Variants in NEDD9 observed in about 807,000 individuals in gnomAD.
The protein encoded by NEDD9 is neural precursor cell expressed, developmentally down-regulated 9, also known as enhancer of filamentation 1.
A neutral mutation model predicts 76.6 loss-of-function variants in NEDD9; 26 were observed. The ratio of observed to expected loss-of-function variants is 0.34; its 90% CI spans 0.25 to 0.47. The LOEUF (loss-of-function observed/expected upper bound fraction) is 0.47. Among genes scored for constraint, NEDD9 ranks in the 20% least tolerant of loss-of-function variants. The pLI, the probability that NEDD9 is intolerant of heterozygous loss-of-function variation, is 1.00. For synonymous variants in NEDD9, 392 were observed against 414.2 expected (o/e 0.95, Z 0.65); for missense variants, 937 against 1,058.5 (o/e 0.89, Z 1.59).
chr6:11,320,051 C>T (rs532600355), intron 2 of NEDD9, among the ~76,000 whole-genome samples: 1 of 152,314 alleles, frequency 6.6e-6, no homozygotes, highest in Admixed American at 6.5e-5. Flanking sequence ...CCTGTGGTCT[C>T]CCAGCTCCTG....
At chr6:11,296,676 T>TCCC (rs1561820221) in intron 3 of NEDD9, among the ~76,000 whole-genome samples, 5 of 103,446 alleles carry the variant, frequency 4.8e-5, no homozygotes, top group African/African-American at 1.6e-4. Context: ...TTTCCTTTCC[T>TCCC]TTCCCTTCCT....
At chr6:11,272,333 T>C (rs1306561361) in intron 3 of NEDD9, among the ~76,000 whole-genome samples, 3 of 152,226 alleles carry the variant, frequency 2.0e-5, no homozygotes, top group Non-Finnish European at 4.4e-5. Flanking sequence ...CAGTACAAGA[T>C]GTAGAATTCA....
intron 1 of NEDD9, among the ~76,000 whole-genome samples, chr6:11,372,075 TACTC>T (rs1762887431): frequency 6.6e-6 from 1 of 152,198 alleles, no homozygotes; most frequent in Non-Finnish European, 1.5e-5. Flanking sequence ...TACTAGGTCT[TACTC>T]ATTCTTTCTA....
chr6:11,219,959 C>T (rs1299946541), intron 1 of NEDD9, among the ~76,000 whole-genome samples: 2 of 152,150 alleles, frequency 1.3e-5, no homozygotes, highest in African/African-American at 4.8e-5. Flanking sequence ...GAGTTGGTTC[C>T]TCTTGAGATT....
At chr6:11,377,668 C>T (rs1762989518) in intron 1 of NEDD9, among the ~76,000 whole-genome samples, 1 of 152,200 alleles carries the variant, frequency 6.6e-6, no homozygotes, top group African/African-American at 2.4e-5. Flanking sequence ...TGAGACACGA[C>T]TTTGTACTTG....
At chr6:11,320,730 CT>C (rs1487257235) in intron 2 of NEDD9, among the ~76,000 whole-genome samples, 1 of 152,138 alleles carries the variant, frequency 6.6e-6, no homozygotes, top group Non-Finnish European at 1.5e-5. Context: ...TGTACAAGGT[CT>C]TTACGTTTGG....
At chr6:11,275,414 T>TA (rs934368797) in intron 3 of NEDD9, among the ~76,000 whole-genome samples, 4 of 152,152 alleles carry the variant, frequency 2.6e-5, no homozygotes, top group Admixed American at 6.6e-5. Flanking sequence ...ATTTTTACCC[T>TA]AAAAAAATGA....
chr6:11,351,711 T>C (rs1268961760), intron 1 of NEDD9, among the ~76,000 whole-genome samples: 1 of 152,264 alleles, frequency 6.6e-6, no homozygotes, highest in Non-Finnish European at 1.5e-5. Flanking sequence ...GACTGTCCAC[T>C]CTTCATCCAA....
chr6:11,313,251 G>T (rs979310598), intron 2 of NEDD9, among the ~76,000 whole-genome samples: 4 of 151,990 alleles, frequency 2.6e-5, no homozygotes, highest in Non-Finnish European at 5.9e-5. Context: ...TAGATAGATG[G>T]TGGGTGGATG....
intron 3 of NEDD9, among the ~76,000 whole-genome samples, chr6:11,249,475 A>C (rs1238450997): frequency 6.6e-6 from 1 of 152,184 alleles, no homozygotes. Flanking sequence ...GCAGGAAAGA[A>C]GAATTAGGTG....
At chr6:11,308,716 A>G (rs1025705648) in intron 2 of NEDD9, among the ~76,000 whole-genome samples, 1 of 152,134 alleles carries the variant, frequency 6.6e-6, no homozygotes, top group African/African-American at 2.4e-5. Context: ...ATAATTTTAC[A>G]ATATTTAGAC....
intron 1 of NEDD9, among the ~76,000 whole-genome samples, chr6:11,364,696 A>G (rs1319152351): frequency 9.8e-6 from 1 of 101,560 alleles, no homozygotes; most frequent in South Asian, 3.0e-4. Context: ...TCAATAAAAC[A>G]TAGTTACTCT....
chr6:11,338,404 T>C (rs931988153), intron 1 of NEDD9, among the ~76,000 whole-genome samples: 2 of 152,172 alleles, frequency 1.3e-5, no homozygotes, highest in African/African-American at 4.8e-5. Flanking sequence ...TCTCCAGAAC[T>C]GGGAGACAAT....
chr6:11,222,744 G>A (rs539725536), intron 1 of NEDD9, among the ~76,000 whole-genome samples: 7 of 152,334 alleles, frequency 4.6e-5, no homozygotes, highest in South Asian at 2.1e-4. Flanking sequence ...GAAACTCTGC[G>A]CTTCTTAGTA....
chr6:11,380,234 C>T (rs540911917), intron 1 of NEDD9, among the ~76,000 whole-genome samples: 2 of 152,296 alleles, frequency 1.3e-5, no homozygotes, highest in Admixed American at 6.5e-5. Flanking sequence ...AGTAGGTGGC[C>T]GGTGGTCTTA....
chr6:11,211,048 G>A (rs1332384225), intron 2 of NEDD9, among the ~76,000 whole-genome samples: 1 of 152,202 alleles, frequency 6.6e-6, no homozygotes, highest in East Asian at 1.9e-4. Context: ...AGCCCTGGCT[G>A]CAACTCCTGG....
Position 11,232,656 on chromosome 6 carries a change from C to A in NEDD9, c.-141G>T. On this transcript the variant is annotated 5_prime_UTR_variant, in exon 1 of 7. Transcript: ENST00000379446. ...GAGCCGCTTGTCAGTCGCAGCGCCT[C>A]CCTCAAGTCTCTGAGCTCACTGTTG... 1.3e-6 allele frequency: 2 copies of A among 1,547,280 alleles called. No individual in the cohort carries two copies. Among genetic ancestry groups the A allele is most frequent in the Non-Finnish European group, 8.7e-7 (1 of 1,150,234 alleles).
rs1032498269 is a variant in NEDD9 at position 11,370,986 on chromosome 6, C to G, written c.-214+11153G>C. On this transcript the variant is annotated intron_variant, in intron 1 of 3. Coordinates refer to the NEDD9 transcript ENST00000397378. The surrounding 1 kb of genome is among the most constrained non-coding windows in gnomAD (Gnocchi z 4.2). ...GAGCTGAATGAGGAAGGGGACGGAG[C>G]CTGGCAGGGATCTCCCAGAAGGTCC... Among the ~76,000 whole-genome samples, 4 of 152,094 alleles carry G rather than the reference C, an allele frequency of 2.6e-5. No individual in the cohort carries two copies. The highest frequency in any genetic ancestry group is 7.2e-5 in the African/African-American group (3 of 41,408).
At chr6:11,297,411 C>A (rs1760925223) in intron 3 of NEDD9, among the ~76,000 whole-genome samples, 1 of 152,158 alleles carries the variant, frequency 6.6e-6, no homozygotes, top group Non-Finnish European at 1.5e-5. Context: ...AAGGGGTTTA[C>A]TTTTAAGAGT....
Sources: allele counts gnomAD v4.1 joint callset (sites outside exome capture counted in the v4.1 genomes callset), GRCh38; gene constraint gnomAD v4.1.1; non-coding constraint Gnocchi (gnomAD v3.1); transcripts MANE v1.5; gene names NCBI Gene and HGNC (gene_info 2026-07-23, HGNC 2026-07-21).